Variants in ZNF626 observed in about 807,000 individuals in gnomAD.
ZNF626 encodes zinc finger protein 626, also known as CTC-513N18.7.
A neutral mutation model predicts 11.7 loss-of-function variants in ZNF626; 4 were observed. That is an observed-to-expected ratio of 0.34 (90% confidence interval 0.17 to 0.78). The LOEUF is 0.78. ZNF626 is among the 30% of genes least tolerant of loss of function. ZNF626 has a pLI of 0.57. For synonymous variants in ZNF626, 179 were observed against 198.6 expected (o/e 0.90, Z 0.83); for missense variants, 588 against 587.1 (o/e 1.00, Z -0.01).
At chr19:20,633,727 C>A (rs1013746183) in intron 3 of ZNF626, among the ~76,000 whole-genome samples, 2 of 152,186 alleles carry the variant, frequency 1.3e-5, no homozygotes, top group Non-Finnish European at 2.9e-5. Flanking sequence ...TTCCCTGACC[C>A]CTTGCACTTC....
chr19:20,630,533 T>C (rs1314770527), intron 3 of ZNF626, among the ~76,000 whole-genome samples: 2 of 152,234 alleles, frequency 1.3e-5, no homozygotes, highest in African/African-American at 2.4e-5. Flanking sequence ...GAGGAATTTA[T>C]CCATTTCTTC....
intron 3 of ZNF626, among the ~76,000 whole-genome samples, chr19:20,636,064 G>A (rs1218338267): frequency 6.6e-6 from 1 of 152,138 alleles, no homozygotes; most frequent in Non-Finnish European, 1.5e-5. Context: ...CCTAGAAGTT[G>A]GAGGTTTCAG....
At chr19:20,643,377 TTA>T (rs1217792571) in intron 3 of ZNF626, among the ~76,000 whole-genome samples, 1 of 151,870 alleles carries the variant, frequency 6.6e-6, no homozygotes, top group African/African-American at 2.4e-5. Flanking sequence ...AACTCATTAT[TTA>T]TATACAGGGT....
chr19:20,654,192 G>C (rs1412867774), intron 1 of ZNF626, among the ~76,000 whole-genome samples: 1 of 152,142 alleles, frequency 6.6e-6, no homozygotes, highest in Non-Finnish European at 1.5e-5. Flanking sequence ...TGTAATCCCA[G>C]CACTTTGGGA....
At chr19:20,647,535 G>C (rs1555772051) in intron 1 of ZNF626, among the ~76,000 whole-genome samples, 1 of 142,744 alleles carries the variant, frequency 7.0e-6, no homozygotes, top group Non-Finnish European at 1.5e-5. Flanking sequence ...CGCCCAGGCT[G>C]GAGTGCAGTG....
rs1555769413 is a variant in ZNF626, at chr19:20,625,223, T to C, written c.654A>G (p.Arg218=). Residue 218 remains arginine, a synonymous_variant, in exon 4 of 4, where the codon AGA becomes AGG. Transcript: ENST00000601440. ...KAFNHSCSLT[R]HKKIHTGEKP... Reference sequence around the variant, plus strand: ...TCTCTCCAGTATGAATTTTCTTATGTCTAGTAAGGCTACAAGAGTGGTTAA... The same window carrying C: ...TCTCTCCAGTATGAATTTTCTTATGCCTAGTAAGGCTACAAGAGTGGTTAA... 30 of 1,613,432 alleles carry C rather than the reference T, an allele frequency of 1.9e-5. No individual in the cohort carries two copies. Among genetic ancestry groups the C allele is most frequent in the Non-Finnish European group, 2.5e-5 (30 of 1,179,944 alleles).
chr19:20,631,479 G>A (rs8103797), intron 3 of ZNF626, among the ~76,000 whole-genome samples: 67,523 of 150,922 alleles, frequency 0.45, 16,333 homozygotes, highest in African/African-American at 0.64. Context: ...CCTGTATTGG[G>A]TGCATATATA....
At chr19:20,657,283 T>G (rs1398584871) in intron 1 of ZNF626, among the ~76,000 whole-genome samples, 1 of 152,030 alleles carries the variant, frequency 6.6e-6, no homozygotes, top group Non-Finnish European at 1.5e-5. Context: ...GAGGATGAGG[T>G]AGGAGAGAAC....
At chr19:20,630,421 GA>G (rs1969889766) in intron 3 of ZNF626, among the ~76,000 whole-genome samples, 1 of 151,404 alleles carries the variant, frequency 6.6e-6, no homozygotes, top group Admixed American at 6.6e-5. Flanking sequence ...AACTTTTTTT[GA>G]TTGGTAAGCT....
rs1969809938 is a variant in ZNF626, at chr19:20,625,093, A to G, written c.784T>C (p.Cys262Arg). Residue 262 changes from cysteine (C) to arginine (R), a missense_variant, in exon 4 of 4, where the codon TGT becomes CGT. Around this residue, in one of 4 missense-constraint regions of ZNF626, gnomAD observed 524 missense variants for 470.1 expected, o/e 1.11. Coordinates refer to ENST00000601440, the MANE Select transcript of ZNF626 (RefSeq NM_001076675.3). ...GAGGATGACATAAAGGCTTTGCCAC[A>G]TTTATCACACTTGTAGGGTTTCTCT... The part of the protein sequence containing the change: ...TGEKPYKCDK[C>R]GKAFMSSSTL... 1.2e-6 allele frequency: 2 copies of G among 1,613,328 alleles called. No homozygotes were observed. Among genetic ancestry groups the G allele is most frequent in the Non-Finnish European group, 1.7e-6 (2 of 1,179,804 alleles).
rs61741863 is a variant in ZNF626 at position 20,625,565 on chromosome 19, T to C, written c.312A>G (p.Glu104=). 2.2e-4 allele frequency: 351 copies of C among 1,612,252 alleles called. 1 individual carries two copies. In the African/African-American group the frequency reaches 4.3e-3, roughly 20 times the overall value. Residue 104 remains glutamate, a synonymous_variant, in exon 4 of 4, where the codon GAA becomes GAG. Transcript: ENST00000601440. The stretch of plus-strand genomic sequence containing the variant: ...ACTGTAAATTGTCATGTTCACATTT[T>C]TCATATCTTCTCAGTACCACTTTTT... The part of the protein sequence containing the change: ...SFQKVVLRRY[E]KCEHDNLQLK...
Position 20,624,865 on chromosome 19 carries a change from C to T in ZNF626, c.1012G>A (p.Asp338Asn), listed in dbSNP as rs782520527. 9.9e-6 allele frequency: 16 copies of T among 1,613,136 alleles called. No individual in the cohort carries two copies. The highest frequency in any genetic ancestry group is 3.3e-5 in the Admixed American group (2 of 59,926). ...CATTCTTCACATTTGTAGGGTTTGT[C>T]TTCAGTATGAATTCTTTTATGTGTA... is the stretch of plus-strand genomic sequence containing the variant. Reference protein sequence around the residue: ...LTTHKRIHTEDKPYKCEECGK... With the variant: ...LTTHKRIHTENKPYKCEECGK... Residue 338 changes from aspartate to asparagine, a missense_variant, in exon 4 of 4, where the codon GAC (aspartate) becomes AAC (asparagine). Coordinates refer to ENST00000601440, the MANE Select transcript of ZNF626 (RefSeq NM_001076675.3).
Position 20,625,429 on chromosome 19 carries a change from A to G in ZNF626, c.448T>C (p.Tyr150His). 2 of 1,614,092 alleles carry G rather than the reference A, an allele frequency of 1.2e-6. No individual in the cohort carries two copies. The highest frequency in any genetic ancestry group is 1.1e-5 in the South Asian group (1 of 91,070). ...TPRKICQCDK[Y>H]VKVLHQFPNS... Reference sequence around the variant, plus strand: ...GGAAATTGATGAAGGACTTTCACATATTTATCACATTGACATATTTTTCTT... The same window carrying G: ...GGAAATTGATGAAGGACTTTCACATGTTTATCACATTGACATATTTTTCTT... The change falls in exon 4 of 4, where the codon TAT becomes CAT. Residue 150 changes from tyrosine to histidine, a missense_variant. Coordinates refer to ENST00000601440, the MANE Select transcript of ZNF626 (RefSeq NM_001076675.3).
In ZNF626 at chr19:20,622,714, T is replaced by C. The variant is rs1555768881; in HGVS notation, c.*1576A>G. On this transcript the variant is annotated 3_prime_UTR_variant, in exon 4 of 4. Coordinates refer to ENST00000601440, the MANE Select transcript of ZNF626 (RefSeq NM_001076675.3). The stretch of plus-strand genomic sequence containing the variant: ...CAAACTTATATACAAATTTAACAAC[T>C]TTAGTTGTGAATTCATTTATATACT... 6.6e-6 allele frequency: 1 copy of C among 152,196 alleles called. No homozygotes were observed. Among genetic ancestry groups the C allele is most frequent in the Admixed American group, 6.5e-5 (1 of 15,278 alleles). 9.4% of individuals were successfully genotyped at this position (152,196 alleles called of 1,614,324 possible).
intron 3 of ZNF626, among the ~76,000 whole-genome samples, chr19:20,642,928 T>C (rs1287817937): frequency 2.0e-5 from 3 of 151,750 alleles, no homozygotes; most frequent in Admixed American, 6.6e-5. Context: ...TGAGAACTGC[T>C]TGAACCCGGA....
intron 1 of ZNF626, among the ~76,000 whole-genome samples, chr19:20,648,495 G>A (rs1970109953): frequency 6.6e-6 from 1 of 151,498 alleles, no homozygotes; most frequent in African/African-American, 2.4e-5. Flanking sequence ...TCCTGCATCA[G>A]CCTACCAAGT....
chr19:20,631,734 C>A (rs1352177629), intron 3 of ZNF626, among the ~76,000 whole-genome samples: 2 of 149,938 alleles, frequency 1.3e-5, no homozygotes, highest in African/African-American at 5.0e-5. Context: ...GGTCTTGACT[C>A]TTTATCCAAT....
intron 3 of ZNF626, among the ~76,000 whole-genome samples, chr19:20,638,544 TTCAG>T (rs1483857489): frequency 1.3e-5 from 2 of 151,984 alleles, no homozygotes; most frequent in African/African-American, 2.4e-5. Context: ...CATTTTAGCA[TTCAG>T]TCAAATAGGC....
intron 3 of ZNF626, among the ~76,000 whole-genome samples, chr19:20,631,568 G>A (rs71302528): frequency 6.8e-6 from 1 of 146,926 alleles, no homozygotes; most frequent in African/African-American, 2.6e-5. Flanking sequence ...TTTGATCTTT[G>A]TTGGTTTAAA....
Sources: gnomAD v4.1 joint callset for allele counts (sites outside exome capture counted in the v4.1 genomes callset) on GRCh38, gnomAD v4.1.1 for gene constraint, gnomAD v4.1.1 regional missense constraint, MANE v1.5 for transcripts, NCBI Gene and HGNC (gene_info 2026-07-23, HGNC 2026-07-21) for gene names.